ACOT12: variants seen among roughly 807,000 people sequenced by gnomAD.
The protein encoded by ACOT12 is acetyl-coenzyme A thioesterase.
In ACOT12, 51 loss-of-function variants were observed where a neutral mutation model predicts 67.7. The observed-to-expected ratio is 0.75, with a 90% CI of 0.60 to 0.95. The LOEUF (loss-of-function observed/expected upper bound fraction) is 0.95. Among genes scored for constraint, ACOT12 ranks in the 40% least tolerant of loss-of-function variants. The pLI is 0.00. For synonymous variants in ACOT12, 251 were observed against 244.6 expected (o/e 1.03, Z -0.24); for missense variants, 734 against 708.1 (o/e 1.04, Z -0.41).
intron 11 of ACOT12, among the ~76,000 whole-genome samples, chr5:81,339,029 G>A (rs375106231): frequency 2.0e-5 from 3 of 151,828 alleles, no homozygotes; most frequent in African/African-American, 7.3e-5. Context: ...GTAGTGAACC[G>A]AGATCACACC....
rs1758769238 is a variant in ACOT12, at chr5:81,330,200, T to C, written c.*194A>G. On this transcript the variant is annotated 3_prime_UTR_variant, in exon 15 of 15. Coordinates refer to ENST00000307624, the MANE Select transcript of ACOT12 (RefSeq NM_130767.3). Reference sequence around the variant, plus strand: ...CCACAGATGACTTACAACAGAATTCTAAAGCTCTTTTAATGCTAATCCAAA... The same window carrying C: ...CCACAGATGACTTACAACAGAATTCCAAAGCTCTTTTAATGCTAATCCAAA... The C allele has an allele frequency of 1.8e-6, 1 of 568,178 alleles. No homozygotes were observed. The highest frequency in any genetic ancestry group is 3.0e-5 in the East Asian group (1 of 32,882). 35.2% of individuals were successfully genotyped at this position (568,178 alleles called of 1,614,324 possible).
chr5:81,366,804 A>C (rs537990202), intron 3 of ACOT12, among the ~76,000 whole-genome samples: 1 of 152,296 alleles, frequency 6.6e-6, no homozygotes, highest in African/African-American at 2.4e-5. Context: ...CAGGGGAAAA[A>C]GTCAGTGAAG....
At chr5:81,322,788 C>T in the ACOT12 span, among the ~76,000 whole-genome samples, 1 of 152,140 alleles carries the variant, frequency 6.6e-6, no homozygotes, top group African/African-American at 2.4e-5. Flanking sequence ...GCACCTTCTT[C>T]ACAGGGCAGA....
intron 5 of ACOT12, among the ~76,000 whole-genome samples, chr5:81,359,613 A>G (rs1759838874): frequency 1.3e-5 from 2 of 152,200 alleles, no homozygotes; most frequent in Admixed American, 6.5e-5. Context: ...TCAACCCTTC[A>G]TTCAGCCATC....
At chr5:81,388,972 C>G (rs1760799115) in intron 1 of ACOT12, among the ~76,000 whole-genome samples, 1 of 152,170 alleles carries the variant, frequency 6.6e-6, no homozygotes, top group African/African-American at 2.4e-5. Flanking sequence ...GTGAGGCTTC[C>G]CCACCCACAT....
At chr5:81,325,616 A>C (rs1470416286), downstream of ACOT12, among the ~76,000 whole-genome samples, 2 of 152,142 alleles carry the variant, frequency 1.3e-5, no homozygotes, top group Admixed American at 1.3e-4. Context: ...CTTTTTTTCT[A>C]ATCTATTTTC....
chr5:81,383,116 C>T (rs752523710), intron 2 of ACOT12, among the ~76,000 whole-genome samples: 28 of 152,044 alleles, frequency 1.8e-4, no homozygotes, highest in Non-Finnish European at 3.2e-4. Context: ...CCTCACCAGC[C>T]GGGCGTGGTG....
chr5:81,354,978 C>T (rs2153852742), intron 5 of ACOT12, among the ~76,000 whole-genome samples: 1 of 152,312 alleles, frequency 6.6e-6, no homozygotes, highest in African/African-American at 2.4e-5. Context: ...AGGCATAAGC[C>T]ACCGCCAGGC....
chr5:81,343,720 G>C, intron 10 of ACOT12, 98 bp downstream of exon 10: 1 of 1,159,612 alleles, frequency 8.6e-7, no homozygotes, highest in Non-Finnish European at 1.2e-6. Flanking sequence ...TTTTCACATA[G>C]CCTGCGTAGG....
intron 5 of ACOT12, 23 bp downstream of exon 5, chr5:81,359,880 T>C (rs1204014821): frequency 6.3e-7 from 1 of 1,591,246 alleles, no homozygotes; most frequent in African/African-American, 1.4e-5. Context: ...AGAATTAAAA[T>C]TCTTATAAGT....
intron 14 of ACOT12, 132 bp from the exon 15 acceptor site, chr5:81,330,675 T>A (rs1758788887): frequency 1.4e-6 from 2 of 1,481,090 alleles, no homozygotes; most frequent in Admixed American, 4.3e-5. Flanking sequence ...GAATAGATGA[T>A]CCGAAAGGAT....
intron 2 of ACOT12, among the ~76,000 whole-genome samples, chr5:81,374,991 T>C (rs939975180): frequency 6.6e-6 from 1 of 152,130 alleles, no homozygotes; most frequent in Admixed American, 6.5e-5. Flanking sequence ...ACACAGAGAA[T>C]ACCACAAAGG....
chr5:81,336,096 C>T (rs531671751), intron 11 of ACOT12, among the ~76,000 whole-genome samples, 195 bp from the exon 12 acceptor site: 90 of 152,094 alleles, frequency 5.9e-4, no homozygotes, highest in African/African-American at 2.1e-3. Flanking sequence ...GCTGTAGTCT[C>T]GTGTCCTCTA....
intron 5 of ACOT12, among the ~76,000 whole-genome samples, chr5:81,357,790 G>A (rs1759764730): frequency 6.6e-6 from 1 of 152,100 alleles, no homozygotes; most frequent in South Asian, 2.1e-4. Context: ...CGGATCACCT[G>A]AGGTCAGGAG....
In ACOT12 at chr5:81,330,216, C is replaced by T. The variant is rs1308693316; in HGVS notation, c.*178G>A. The T allele has an allele frequency of 9.5e-6, 6 of 629,474 alleles. No homozygotes were observed. Among genetic ancestry groups the T allele is most frequent in the African/African-American group, 3.7e-5 (2 of 54,608 alleles). 39.0% of individuals were successfully genotyped at this position (629,474 alleles called of 1,614,324 possible). On this transcript the variant is annotated 3_prime_UTR_variant, in exon 15 of 15. Coordinates refer to ENST00000307624, the MANE Select transcript of ACOT12 (RefSeq NM_130767.3). ...ACAGAATTCTAAAGCTCTTTTAATG[C>T]TAATCCAAATCACTGGTATTTGACT...
At chr5:81,330,682 G>T in intron 14 of ACOT12, 132 bp downstream of exon 14, 1 of 1,492,844 alleles carries the variant, frequency 6.7e-7, no homozygotes, top group Non-Finnish European at 9.0e-7. Flanking sequence ...TGATCCGAAA[G>T]GATGACCTTA....
chr5:81,345,100 TGCACACCGCTGCCACCTCC>T (rs1236186332), intron 7 of ACOT12, 59 bp from the exon 8 acceptor site: 1 of 1,594,244 alleles, frequency 6.3e-7, no homozygotes, highest in Non-Finnish European at 8.6e-7. Context: ...AGGCCCTCCT[TGCACACCGCTGCCACCTCC>T]TCGCCCACCG....
the ACOT12 span, among the ~76,000 whole-genome samples, chr5:81,323,157 C>G: frequency 6.6e-6 from 1 of 150,412 alleles, no homozygotes; most frequent in South Asian, 2.1e-4. Context: ...AGTAAAAGAT[C>G]ATATAGTTAA....
the ACOT12 span, among the ~76,000 whole-genome samples, chr5:81,316,435 G>A: frequency 2.6e-5 from 4 of 152,114 alleles, no homozygotes; most frequent in Non-Finnish European, 5.9e-5. Context: ...GCTTCCTTCA[G>A]TTAACATGAT....
Sources: allele counts gnomAD v4.1 joint callset (sites outside exome capture counted in the v4.1 genomes callset), GRCh38; gene constraint gnomAD v4.1.1; transcripts MANE v1.5; gene names NCBI Gene and HGNC (gene_info 2026-07-23, HGNC 2026-07-21).